SMARCA4: variants seen among roughly 807,000 people sequenced by gnomAD.
SMARCA4 encodes SWI/SNF-related matrix-associated actin-dependent regulator of chromatin subfamily A member 4.
Under a neutral mutation model 193.9 loss-of-function variants are expected in SMARCA4, and 31 were observed. That is an observed-to-expected ratio of 0.16 (90% confidence interval 0.12 to 0.22). The LOEUF (loss-of-function observed/expected upper bound fraction) is 0.22, where lower values mean the gene tolerates loss of function less well. SMARCA4 is among the 10% of genes least tolerant of loss of function. The pLI is 1.00. For missense variants in SMARCA4, 1,148 were observed against 2,296.0 expected, an observed-to-expected ratio of 0.50 and a Z score of 10.22; for synonymous variants, 942 against 933.1, an observed-to-expected ratio of 1.01 and a Z score of -0.17.
intron 22 of SMARCA4, among the ~76,000 whole-genome samples, 196 bp from the exon 23 acceptor site, chr19:11,026,104 G>T (rs538070165): frequency 6.6e-6 from 1 of 152,252 alleles, no homozygotes; most frequent in African/African-American, 2.4e-5. Flanking sequence ...CGTTGGAGGA[G>T]TGTGAGGGAA....
intron 30 of SMARCA4, among the ~76,000 whole-genome samples, chr19:11,057,873 C>T (rs948293766): frequency 6.6e-6 from 1 of 151,960 alleles, no homozygotes; most frequent in Non-Finnish European, 1.5e-5. Flanking sequence ...GATGCTGAGG[C>T]GGGCTGATCA....
intron 15 of SMARCA4, 104 bp downstream of exon 15, chr19:11,010,635 G>T (rs1489497837): frequency 1.8e-6 from 2 of 1,118,420 alleles, no homozygotes; most frequent in East Asian, 4.7e-5. Context: ...TTCACCTTTT[G>T]CTCTTTGTGG....
At chr19:11,057,526 C>T (rs183323810) in intron 30 of SMARCA4, among the ~76,000 whole-genome samples, 19 of 152,202 alleles carry the variant, frequency 1.2e-4, no homozygotes, top group African/African-American at 3.6e-4. Flanking sequence ...GTCAAGAGAT[C>T]GAGACCATCC....
intron 19 of SMARCA4, 72 bp downstream of exon 19, chr19:11,022,039 G>A (rs1305066668): frequency 1.1e-5 from 17 of 1,602,394 alleles, no homozygotes; most frequent in Non-Finnish European, 1.4e-5. Context: ...AACGTGTTGA[G>A]CACCAGCTAC....
intron 15 of SMARCA4, chr19:11,012,669 C>G (rs1403965747): frequency 6.5e-6 from 3 of 463,086 alleles, no homozygotes; most frequent in Non-Finnish European, 1.2e-5. Context: ...GACAATGTAA[C>G]AGGTGGGAGT....
At chr19:11,013,945 C>G (rs952069890) in intron 16 of SMARCA4, among the ~76,000 whole-genome samples, 1 of 152,130 alleles carries the variant, frequency 6.6e-6, no homozygotes, top group African/African-American at 2.4e-5. Context: ...CGACATCTCT[C>G]TACCCAGCTC....
At chr19:11,049,459 T>A (rs1457954639) in intron 30 of SMARCA4, among the ~76,000 whole-genome samples, 1 of 151,926 alleles carries the variant, frequency 6.6e-6, no homozygotes, top group Non-Finnish European at 1.5e-5. Context: ...ACACTGCCAG[T>A]TGATACCTTC....
chr19:10,995,923 T>C (rs745472923), intron 9 of SMARCA4: 41 of 473,950 alleles, frequency 8.7e-5, no homozygotes, highest in Non-Finnish European at 1.4e-4. Context: ...AGAGAAGGCT[T>C]CGGGTTTGGG....
intron 34 of SMARCA4, 94 bp downstream of exon 34, chr19:11,060,281 C>T (rs2076791735): frequency 1.4e-6 from 2 of 1,427,178 alleles, no homozygotes; most frequent in Non-Finnish European, 1.9e-6. Context: ...TGCTCCCACG[C>T]CCCCACGCTG....
chr19:11,006,554 C>T lies in SMARCA4; in HGVS notation c.2002-1348C>T, dbSNP rs145350177. ...TGATCCAAGGTCAGGAGTTCGAGAC[C>T]AGCCTGGCCAACATGATGAAACCCC... On this transcript the variant is annotated intron_variant, in intron 13 of 34. Coordinates refer to ENST00000344626, the MANE Select transcript of SMARCA4 (RefSeq NM_003072.5). Among the ~76,000 whole-genome samples the T allele has an allele frequency of 8.4e-3, 1,280 of 152,130 alleles. 20 individuals are homozygous for T. Among genetic ancestry groups the T allele is most frequent in the African/African-American group, 0.03 (1,228 of 41,486 alleles).
intron 34 of SMARCA4, among the ~76,000 whole-genome samples, chr19:11,061,431 C>T (rs1260716128): frequency 6.6e-6 from 1 of 151,680 alleles, no homozygotes; most frequent in Non-Finnish European, 1.5e-5. Context: ...TGGGCATGGC[C>T]ATGGCGCCAT....
At chr19:11,042,459 C>A (rs372069824) in intron 30 of SMARCA4, among the ~76,000 whole-genome samples, 1 of 152,352 alleles carries the variant, frequency 6.6e-6, no homozygotes, top group African/African-American at 2.4e-5. Flanking sequence ...TCTCCAAGGT[C>A]TTATTTCACT....
At chr19:11,004,621 A>G (rs2088005359) in intron 13 of SMARCA4, among the ~76,000 whole-genome samples, 1 of 152,016 alleles carries the variant, frequency 6.6e-6, no homozygotes, top group African/African-American at 2.4e-5. Context: ...CCCTTCTTTT[A>G]CTTTCAACCT....
intron 11 of SMARCA4, among the ~76,000 whole-genome samples, chr19:10,998,771 G>T (rs1467715359): frequency 6.6e-6 from 1 of 152,020 alleles, no homozygotes; most frequent in Non-Finnish European, 1.5e-5. Flanking sequence ...CTTGCCATTG[G>T]CTCCTGTTTG....
intron 20 of SMARCA4, 139 bp from the exon 21 acceptor site, chr19:11,024,192 G>A (rs1600298801): frequency 1.4e-6 from 1 of 708,842 alleles, no homozygotes; most frequent in South Asian, 1.5e-5. Context: ...CCAGCTGTGA[G>A]GGTCTCCTCA....
At position 10,985,800 on chromosome 19, in the gene SMARCA4, T is replaced by G. The variant is rs1283857910; in HGVS notation, c.356-389T>G. On this transcript the variant is annotated intron_variant, in intron 3 of 34. Transcript: ENST00000344626. This position sits in a 1 kb window ranked among gnomAD's most constrained non-coding sequence, Gnocchi z 4.5. ...TTGAGAAGTGATATGGTGGGTGACT[T>G]TCCAAGGCCTTGCTGTCATCAGGGG... 2.0e-5 allele frequency among the ~76,000 whole-genome samples: 3 copies of G among 152,142 alleles called. No homozygotes were observed. Among genetic ancestry groups the G allele is most frequent in the African/African-American group, 7.2e-5 (3 of 41,438 alleles).
intron 30 of SMARCA4, among the ~76,000 whole-genome samples, chr19:11,047,304 AC>A (rs973648817): frequency 2.6e-5 from 4 of 152,168 alleles, no homozygotes; most frequent in African/African-American, 9.7e-5. Flanking sequence ...GGTTCCAGAC[AC>A]AGGGCTTTCC....
At chr19:11,004,171 C>T (rs1025860098) in intron 13 of SMARCA4, among the ~76,000 whole-genome samples, 5 of 152,112 alleles carry the variant, frequency 3.3e-5, no homozygotes, top group African/African-American at 1.2e-4. Flanking sequence ...CACCTGCCAC[C>T]ATGCCTGGCT....
chr19:10,991,523 C>T (rs780576787), intron 8 of SMARCA4, among the ~76,000 whole-genome samples, 200 bp downstream of exon 8: 2 of 152,178 alleles, frequency 1.3e-5, no homozygotes, highest in Non-Finnish European at 1.5e-5. Context: ...TGATGAAATC[C>T]ACGCGTAGCA....
Sources: allele counts gnomAD v4.1 joint callset (sites outside exome capture counted in the v4.1 genomes callset), GRCh38; gene constraint gnomAD v4.1.1; non-coding constraint Gnocchi (gnomAD v3.1); transcripts MANE v1.5; gene names NCBI Gene and HGNC (gene_info 2026-07-23, HGNC 2026-07-21).